Variants in TRMT44 observed in about 807,000 individuals in gnomAD.
The protein encoded by TRMT44 is probable tRNA (uracil-O(2)-)-methyltransferase.
In TRMT44, 78 loss-of-function variants were observed where a neutral mutation model predicts 77.3. The observed-to-expected ratio is 1.01, with a 90% CI of 0.84 to 1.22. The LOEUF is 1.22. TRMT44 is among the 50% of genes most tolerant of loss of function. TRMT44 has a pLI of 0.00. For synonymous variants in TRMT44, 391 were observed against 383.3 expected, an observed-to-expected ratio of 1.02 and a Z score of -0.23; for missense variants, 1,090 against 964.4, an observed-to-expected ratio of 1.13 and a Z score of -1.73.
At position 8,449,895 on chromosome 4, in the gene TRMT44, C is replaced by A; in HGVS notation, c.954+7C>A. 7.3e-7 allele frequency: 1 copy of A among 1,370,340 alleles called. No individual in the cohort carries two copies. The highest frequency in any genetic ancestry group is 1.3e-5 in the South Asian group (1 of 74,518). 84.9% of individuals were successfully genotyped at this position (1,370,340 alleles called of 1,614,324 possible). ...GTATAAGGAAATGGTTAAGGTAATT[C>A]TGGTGGAGAATATCTGATTTTTCCC... On this transcript the variant is annotated splice_region_variant and intron_variant, in intron 3 of 10. Transcript: ENST00000389737.
rs180683446 is a variant in TRMT44 at position 8,471,048 on chromosome 4, T to C, written c.1928-36T>C. 8.5e-4 allele frequency: 1,246 copies of C among 1,459,604 alleles called. 3 individuals carry two copies. The highest frequency in any genetic ancestry group is 3.6e-3 in the African/African-American group (255 of 70,534). 90.4% of individuals were successfully genotyped at this position (1,459,604 alleles called of 1,614,324 possible). ...GTGACAGGTTCGTAATATTTTGCTG[T>C]TGTTTTGGGGAAAAAAAAAACCCGT... On this transcript the variant is annotated intron_variant, in intron 9 of 10. Coordinates refer to ENST00000389737, the MANE Select transcript of TRMT44 (RefSeq NM_152544.3).
chr4:8,440,975 G>T lies in TRMT44; in HGVS notation c.153G>T (p.Leu51=). The T allele has an allele frequency of 6.6e-7, 1 of 1,526,548 alleles. No homozygotes were observed. The highest frequency in any genetic ancestry group is 8.7e-7 in the Non-Finnish European group (1 of 1,143,600). The allele number at this position is 1,526,548 out of a possible 1,614,324, so 94.6% of individuals were successfully genotyped here. ...TGGAGGCCCGCTGGAGCGCCGCCCT[G>T]CCCTGCGCGGAGGCCCGCGGCCCCG... ...ARLEARWSAA[L]PCAEARGPGT... The change falls in exon 1 of 11, where the codon CTG becomes CTT. Residue 51 remains leucine, a synonymous_variant. Coordinates refer to ENST00000389737, the MANE Select transcript of TRMT44 (RefSeq NM_152544.3).
intron 2 of TRMT44, among the ~76,000 whole-genome samples, chr4:8,447,750 G>T (rs964454398): frequency 6.6e-6 from 1 of 152,222 alleles, no homozygotes. Context: ...AGGGGATCCT[G>T]CCCTGAGGTC....
At chr4:8,492,171 A>C (rs2109236311) in intron 2 of TRMT44, among the ~76,000 whole-genome samples, 1 of 152,274 alleles carries the variant, frequency 6.6e-6, no homozygotes, top group Non-Finnish European at 1.5e-5. Flanking sequence ...CTCCTCCATA[A>C]TCAAGCTTCC....
downstream of TRMT44, chr4:8,477,556 G>C (rs377539649): frequency 5.2e-5 from 8 of 152,632 alleles, no homozygotes; most frequent in East Asian, 1.5e-3. Context: ...TAGAAGCCCC[G>C]AGGGAGCAGC....
intron 10 of TRMT44, among the ~76,000 whole-genome samples, chr4:8,474,703 G>A (rs749309887): frequency 1.3e-5 from 2 of 152,216 alleles, no homozygotes; most frequent in Non-Finnish European, 2.9e-5. Context: ...GCCTTCTGTC[G>A]TGAGCGGTTT....
chr4:8,470,013 C>T (rs911691367), intron 9 of TRMT44, among the ~76,000 whole-genome samples: 17 of 152,248 alleles, frequency 1.1e-4, no homozygotes, highest in Non-Finnish European at 1.6e-4. Context: ...AGACCGCACA[C>T]GTCAAAGGAT....
At chr4:8,448,353 T>A (rs1725197056) in intron 2 of TRMT44, among the ~76,000 whole-genome samples, 1 of 152,168 alleles carries the variant, frequency 6.6e-6, no homozygotes, top group Non-Finnish European at 1.5e-5. Flanking sequence ...GTGGAGAATA[T>A]CTGCTCCCAT....
the TRMT44 span, among the ~76,000 whole-genome samples, chr4:8,500,219 C>T: frequency 1.3e-5 from 2 of 151,816 alleles, no homozygotes; most frequent in South Asian, 2.1e-4. Context: ...CAGCTGGGTG[C>T]GGTGGCTCAT....
At chr4:8,474,818 G>A (rs1436639813) in intron 10 of TRMT44, among the ~76,000 whole-genome samples, 1 of 152,186 alleles carries the variant, frequency 6.6e-6, no homozygotes, top group Non-Finnish European at 1.5e-5. Context: ...GCGTAGGGGG[G>A]TATCTCGGCC....
chr4:8,474,270 G>A (rs73223250), intron 10 of TRMT44, among the ~76,000 whole-genome samples: 3,445 of 152,312 alleles, frequency 0.023, 69 homozygotes, highest in African/African-American at 0.053. Context: ...AGGGTTCCAG[G>A]TCCCTCAGTG....
chr4:8,474,083 G>A (rs1727206308), intron 10 of TRMT44, among the ~76,000 whole-genome samples: 1 of 152,192 alleles, frequency 6.6e-6, no homozygotes, highest in Non-Finnish European at 1.5e-5. Flanking sequence ...TGGTGGGGAA[G>A]GGGGTGCCGA....
chr4:8,441,654 A>T (rs1387339204), intron 1 of TRMT44, among the ~76,000 whole-genome samples: 1 of 152,206 alleles, frequency 6.6e-6, no homozygotes, highest in Non-Finnish European at 1.5e-5. Flanking sequence ...GGAAGGCTTC[A>T]AAGAGACAGT....
chr4:8,499,234 G>A, the TRMT44 span, among the ~76,000 whole-genome samples: 1 of 152,100 alleles, frequency 6.6e-6, no homozygotes, highest in East Asian at 1.9e-4. Flanking sequence ...TCCGGCACAG[G>A]AGACTTGCCC....
the TRMT44 span, among the ~76,000 whole-genome samples, chr4:8,503,319 C>T: frequency 2.0e-5 from 3 of 152,266 alleles, no homozygotes; most frequent in African/African-American, 7.2e-5. Flanking sequence ...TCTATCCCAG[C>T]AGACCCTAGG....
At position 8,476,083 on chromosome 4, in the gene TRMT44, C is replaced by T. The variant is rs1020754140; in HGVS notation, c.*82C>T. On this transcript the variant is annotated 3_prime_UTR_variant, in exon 11 of 11. Transcript: ENST00000389737. Reference sequence around the variant, plus strand: ...CCAGCAGTCGTCAGTGCTGTGGTCTCTGCTCTGGCTGTGTTTCAGCCCACC... The same window carrying T: ...CCAGCAGTCGTCAGTGCTGTGGTCTTTGCTCTGGCTGTGTTTCAGCCCACC... 11 of 1,306,168 alleles carry T rather than the reference C, an allele frequency of 8.4e-6. No homozygotes were observed. The Admixed American group carries it at 1.8e-4, about 21-fold the overall frequency. The allele number at this position is 1,306,168 out of a possible 1,614,324, so 80.9% of individuals were successfully genotyped here. A position where few individuals can be genotyped will look rare whatever the true frequency, so the allele number is the denominator to read the frequency against.
the TRMT44 span, among the ~76,000 whole-genome samples, chr4:8,506,316 A>G: frequency 3.3e-5 from 5 of 152,220 alleles, no homozygotes; most frequent in Admixed American, 3.3e-4. Context: ...TTTTCAACAG[A>G]AGTGGAGCAG....
intron 2 of TRMT44, among the ~76,000 whole-genome samples, chr4:8,483,045 T>A (rs1207677222): frequency 6.6e-6 from 1 of 151,934 alleles, no homozygotes; most frequent in African/African-American, 2.4e-5. Flanking sequence ...TATTGTGGGG[T>A]TGTTAGAAGA....
chr4:8,501,516 A>G, the TRMT44 span, among the ~76,000 whole-genome samples: 1 of 152,186 alleles, frequency 6.6e-6, no homozygotes, highest in African/African-American at 2.4e-5. This position sits in a 1 kb window ranked among gnomAD's most constrained non-coding sequence, Gnocchi z 4.4. Context: ...ATTGTTGAGA[A>G]GGTTGAGTAC....
Sources: gnomAD v4.1 joint callset for allele counts (sites outside exome capture counted in the v4.1 genomes callset) on GRCh38, gnomAD v4.1.1 for gene constraint, Gnocchi (gnomAD v3.1) non-coding constraint, MANE v1.5 for transcripts, NCBI Gene and HGNC (gene_info 2026-07-23, HGNC 2026-07-21) for gene names.